The following PTPRF variants were observed in gnomAD, a reference collection of about 807,000 sequenced individuals.
The protein encoded by PTPRF is protein tyrosine phosphatase receptor type F, also known as receptor-type tyrosine-protein phosphatase F.
Under a neutral mutation model 201.8 loss-of-function variants are expected in PTPRF, and 59 were observed. The observed-to-expected ratio is 0.29, with a 90% CI of 0.24 to 0.36. The LOEUF (loss-of-function observed/expected upper bound fraction) is 0.36, where lower values mean the gene tolerates loss of function less well. Ranked by LOEUF, PTPRF falls within the 10% of genes least tolerant of loss-of-function variation. PTPRF has a pLI of 1.00. For synonymous variants in PTPRF, 1,088 were observed against 1,089.7 expected, an observed-to-expected ratio of 1.00 and a Z score of 0.03; for missense variants, 2,132 against 2,690.5, an observed-to-expected ratio of 0.79 and a Z score of 4.59.
chr1:43,592,412 A>G (rs763758597), intron 10 of PTPRF, 45 bp from the exon 11 acceptor site: 1 of 1,567,342 alleles, frequency 6.4e-7, no homozygotes, highest in South Asian at 1.2e-5. Flanking sequence ...CCTGTGAGTG[A>G]CTTTGAGCTC....
intron 7 of PTPRF, among the ~76,000 whole-genome samples, chr1:43,584,408 G>A (rs1000513666): frequency 3.3e-5 from 5 of 152,160 alleles, no homozygotes; most frequent in Non-Finnish European, 7.3e-5. Context: ...TGAGCACTGG[G>A]GCATTTCTGT....
intron 1 of PTPRF, among the ~76,000 whole-genome samples, chr1:43,531,998 C>G (rs953807673): frequency 6.6e-6 from 1 of 152,174 alleles, no homozygotes; most frequent in African/African-American, 2.4e-5. Context: ...CCCCAGGTCA[C>G]TCTGTTCTTT....
chr1:43,585,344 C>T (rs920161554), intron 7 of PTPRF, among the ~76,000 whole-genome samples: 1 of 152,138 alleles, frequency 6.6e-6, no homozygotes, highest in Non-Finnish European at 1.5e-5. Context: ...GAGGTTGTCC[C>T]TTGCCTGTTT....
intron 23 of PTPRF, among the ~76,000 whole-genome samples, chr1:43,617,077 T>G (rs918402104): frequency 1.3e-5 from 2 of 151,766 alleles, no homozygotes; most frequent in African/African-American, 4.8e-5. Context: ...GGAGGGACTC[T>G]GGGTGTTCAG....
chr1:43,598,552 G>A (rs1570493302), intron 12 of PTPRF, 168 bp from the exon 13 acceptor site: 1 of 658,198 alleles, frequency 1.5e-6, no homozygotes, highest in East Asian at 2.8e-5. Context: ...GTGGCGGGCA[G>A]AGGGAGCCTT....
intron 11 of PTPRF, among the ~76,000 whole-genome samples, chr1:43,595,819 G>C (rs978454313): frequency 1.3e-5 from 2 of 152,264 alleles, no homozygotes; most frequent in Admixed American, 6.5e-5. Flanking sequence ...GGGAGACATG[G>C]TCATGCGCCA....
At chr1:43,569,052 C>T (rs536279324) in intron 5 of PTPRF, among the ~76,000 whole-genome samples, 4 of 152,272 alleles carry the variant, frequency 2.6e-5, no homozygotes, top group South Asian at 2.1e-4. Flanking sequence ...GGGGGTGCCC[C>T]GGGTCAGGGC....
intron 23 of PTPRF, among the ~76,000 whole-genome samples, chr1:43,615,926 C>T (rs577166480): frequency 2.0e-5 from 3 of 152,220 alleles, no homozygotes; most frequent in African/African-American, 4.8e-5. Context: ...TGCCAGTCCC[C>T]GTGCTGGGGA....
intron 7 of PTPRF, among the ~76,000 whole-genome samples, chr1:43,580,440 A>T (rs193106564): frequency 2.0e-5 from 3 of 152,290 alleles, no homozygotes; most frequent in African/African-American, 7.2e-5. Flanking sequence ...TGCTTCAGAG[A>T]CTATTAAAGA....
chr1:43,597,747 G>T lies in PTPRF; in HGVS notation c.1814-1G>T. ...GCTTCCCCCCCATTTGTCTTCCCCA[G>T]CCCCCTCCGCCCCTCCCCAGAAGGT... is the stretch of plus-strand genomic sequence containing the variant. On this transcript the variant is annotated splice_acceptor_variant, in intron 11 of 33. Transcript: ENST00000359947. LOFTEE classifies it high-confidence loss of function. 4 of 1,006,160 alleles carry T rather than the reference G, an allele frequency of 4.0e-6. No individual in the cohort carries two copies. Among genetic ancestry groups the T allele is most frequent in the Non-Finnish European group, 5.7e-6 (4 of 704,740 alleles). 62.3% of individuals were successfully genotyped at this position (1,006,160 alleles called of 1,614,324 possible). A position where few individuals can be genotyped will look rare whatever the true frequency, so the allele number is the denominator to read the frequency against.
chr1:43,608,465 C>G (rs1312782011), intron 21 of PTPRF, among the ~76,000 whole-genome samples: 1 of 152,220 alleles, frequency 6.6e-6, no homozygotes, highest in Non-Finnish European at 1.5e-5. Flanking sequence ...GTCCAGTCAG[C>G]TCAGCAGGCT....
In PTPRF at chr1:43,622,446, G is replaced by GC. The variant is rs1274529553; in HGVS notation, c.*443_*444insC. 420 of 151,724 alleles carry GC rather than the reference G, an allele frequency of 2.8e-3. 1 individual carries two copies. The highest frequency in any genetic ancestry group is 2.6e-3 in the Non-Finnish European group (184 of 69,448). The allele number at this position is 151,724 out of a possible 1,614,324, so 9.4% of individuals were successfully genotyped here. A position where few individuals can be genotyped will look rare whatever the true frequency, so the allele number is the denominator to read the frequency against. ...TAGGGGTTGGGGTTTATTTTGTTTT[G>GC]TTTTTTTTTTTCTTGAGTTCACTTT... On this transcript the variant is annotated 3_prime_UTR_variant, in exon 34 of 34. Coordinates refer to ENST00000359947, the MANE Select transcript of PTPRF (RefSeq NM_002840.5).
intron 1 of PTPRF, among the ~76,000 whole-genome samples, chr1:43,534,740 G>C (rs74071941): frequency 2.0e-5 from 3 of 152,136 alleles, no homozygotes; most frequent in African/African-American, 7.2e-5. Context: ...CAAGAGAAGC[G>C]AGAGCTGTAT....
intron 6 of PTPRF, 55 bp from the exon 7 acceptor site, chr1:43,578,755 T>C: frequency 7.3e-7 from 1 of 1,372,212 alleles, no homozygotes; most frequent in South Asian, 1.3e-5. Context: ...CTCACCGTGT[T>C]CCAGGCCACA....
chr1:43,613,649 C>T lies in PTPRF; in HGVS notation c.4005C>T (p.Thr1335=), dbSNP rs146415017. The change falls in exon 23 of 34, where the codon ACC becomes ACT. Residue 1335 remains threonine (T), a synonymous_variant. Transcript: ENST00000359947. Reference sequence around the variant, plus strand: ...GAGACCACCCACCCATCCCCATCACCGACCTGGCGGACAACATCGAGCGCC... The same window carrying T: ...GAGACCACCCACCCATCCCCATCACTGACCTGGCGGACAACATCGAGCGCC... ...GMRDHPPIPI[T]DLADNIERLK... 1.9e-5 allele frequency: 30 copies of T among 1,614,090 alleles called. No individual in the cohort carries two copies. Among genetic ancestry groups the T allele is most frequent in the Admixed American group, 3.3e-5 (2 of 60,010 alleles).
At chr1:43,565,883 G>C (rs1338402769) in intron 5 of PTPRF, among the ~76,000 whole-genome samples, 1 of 152,104 alleles carries the variant, frequency 6.6e-6, no homozygotes, top group Non-Finnish European at 1.5e-5. Context: ...TTCCGCGGCA[G>C]CGCCCGCCGC....
chr1:43,578,814 C>T lies in PTPRF; in HGVS notation c.573C>T (p.Ala191=), dbSNP rs773047423. The change falls in exon 7 of 34, where the codon GCC becomes GCT. Residue 191 remains alanine (A), a synonymous_variant. Transcript: ENST00000359947. The stretch of plus-strand genomic sequence containing the variant: ...TCTCGCTTCGTGTACCCACAGGTGC[C>T]TTGCAGATAGAGAGCAGTGAGGAAT... The part of the protein sequence containing the change: ...NGRIKQLRSG[A]LQIESSEESD... The T allele has an allele frequency of 3.1e-6, 5 of 1,613,054 alleles. No individual in the cohort carries two copies. The African/African-American group carries it at 6.7e-5, about 22-fold the overall frequency.
chr1:43,565,463 T>G (rs1396929088), intron 5 of PTPRF, among the ~76,000 whole-genome samples: 4 of 152,168 alleles, frequency 2.6e-5, no homozygotes, highest in Non-Finnish European at 5.9e-5. Flanking sequence ...GGGGAGACCC[T>G]AGGGAATGTG....
At chr1:43,536,270 T>A (rs1320482309) in intron 1 of PTPRF, among the ~76,000 whole-genome samples, 1 of 152,160 alleles carries the variant, frequency 6.6e-6, no homozygotes, top group Non-Finnish European at 1.5e-5. Flanking sequence ...TTTGGTTGCC[T>A]GATAGGTTGT....
Sources: allele counts gnomAD v4.1 joint callset (sites outside exome capture counted in the v4.1 genomes callset), GRCh38; gene constraint gnomAD v4.1.1; transcripts MANE v1.5; gene names NCBI Gene and HGNC (gene_info 2026-07-23, HGNC 2026-07-21).